SERINC5: variants seen among roughly 807,000 people sequenced by gnomAD.
The protein encoded by SERINC5 is chromosome 5 open reading frame 12.
A neutral mutation model predicts 63.1 loss-of-function variants in SERINC5; 41 were observed. The ratio of observed to expected loss-of-function variants is 0.65; its 90% CI spans 0.51 to 0.84. The LOEUF (loss-of-function observed/expected upper bound fraction) is 0.84. Among genes scored for constraint, SERINC5 ranks in the 40% least tolerant of loss-of-function variants. The pLI is 0.00. For synonymous variants in SERINC5, 222 were observed against 215.2 expected (o/e 1.03, Z -0.28); for missense variants, 523 against 573.0 (o/e 0.91, Z 0.89).
intron 1 of SERINC5, among the ~76,000 whole-genome samples, chr5:80,206,312 G>A (rs1358572395): frequency 6.6e-6 from 1 of 152,114 alleles, no homozygotes; most frequent in East Asian, 1.9e-4. Context: ...TACGATCACA[G>A]GTATATGGGT....
chr5:80,152,564 C>G (rs1580070940), intron 8 of SERINC5, among the ~76,000 whole-genome samples: 2 of 151,626 alleles, frequency 1.3e-5, no homozygotes, highest in East Asian at 3.9e-4. Flanking sequence ...ATAGTTTTCA[C>G]AGGGGAAAAG....
chr5:80,138,316 C>G (rs564319475), downstream of SERINC5, among the ~76,000 whole-genome samples: 216 of 152,110 alleles, frequency 1.4e-3, 1 homozygote, highest in African/African-American at 4.5e-3. Flanking sequence ...TGAGAGTAGG[C>G]CGGGCACGGT....
chr5:80,226,087 T>C (rs1751153135), intron 1 of SERINC5, among the ~76,000 whole-genome samples: 1 of 150,562 alleles, frequency 6.6e-6, no homozygotes, highest in African/African-American at 2.4e-5. Context: ...AGACAGTGTC[T>C]CACTCTGTCC....
intron 8 of SERINC5, among the ~76,000 whole-genome samples, chr5:80,154,064 T>A (rs565336151): frequency 6.6e-5 from 10 of 152,274 alleles, no homozygotes; most frequent in Non-Finnish European, 1.5e-4. Context: ...CCGTGACTAT[T>A]CCCAGCCTTT....
At chr5:80,132,618 C>A (rs1744993347) in intron 11 of SERINC5, among the ~76,000 whole-genome samples, 1 of 151,562 alleles carries the variant, frequency 6.6e-6, no homozygotes, top group Non-Finnish European at 1.5e-5. Flanking sequence ...TTTATTTCCA[C>A]CATGCCTGGC....
intron 1 of SERINC5, among the ~76,000 whole-genome samples, chr5:80,230,767 G>A (rs1302353222): frequency 2.7e-5 from 4 of 150,842 alleles, no homozygotes; most frequent in Non-Finnish European, 5.9e-5. Flanking sequence ...TCCAAACCCA[G>A]GTATAATTTC....
At chr5:80,232,687 G>T (rs192122189) in intron 1 of SERINC5, among the ~76,000 whole-genome samples, 1 of 151,958 alleles carries the variant, frequency 6.6e-6, no homozygotes, top group Non-Finnish European at 1.5e-5. Flanking sequence ...AGGAGGTTGA[G>T]GCAGGAGAAT....
At chr5:80,136,961 C>T (rs139637957), downstream of SERINC5, among the ~76,000 whole-genome samples, 1,070 of 151,634 alleles carry the variant, frequency 7.1e-3, 12 homozygotes, top group African/African-American at 0.025. Flanking sequence ...CATGGCGAAA[C>T]CATCTCTACC....
At chr5:80,150,490 C>T (rs1160715952) in intron 9 of SERINC5, among the ~76,000 whole-genome samples, 1 of 152,146 alleles carries the variant, frequency 6.6e-6, no homozygotes, top group Non-Finnish European at 1.5e-5. Flanking sequence ...GGCTGGAGTG[C>T]AGTGGTATGA....
rs938822169 is a variant in SERINC5, at chr5:80,255,780, C to A, written c.27+116G>T. ...GCGGGGCCAGCCCGAGCGACCCACCCGGGCCCTACGTTCGGCCGCGGAGCT... is the reference window on the plus strand; with the variant it reads ...GCGGGGCCAGCCCGAGCGACCCACCAGGGCCCTACGTTCGGCCGCGGAGCT... On this transcript the variant is annotated intron_variant, in intron 1 of 11. Transcript: ENST00000507668. The A allele has an allele frequency of 4.5e-6, 5 of 1,112,520 alleles. No homozygotes were observed. The African/African-American group carries it at 6.5e-5, about 14-fold the overall frequency. 68.9% of individuals were successfully genotyped at this position (1,112,520 alleles called of 1,614,324 possible).
At chr5:80,184,998 TC>T (rs1459615495) in intron 2 of SERINC5, among the ~76,000 whole-genome samples, 1 of 152,100 alleles carries the variant, frequency 6.6e-6, no homozygotes, top group East Asian at 1.9e-4. Context: ...TGTCTCAGCC[TC>T]CCAAGTAGCT....
intron 1 of SERINC5, among the ~76,000 whole-genome samples, chr5:80,245,885 G>A (rs1226529458): frequency 1.3e-5 from 2 of 150,574 alleles, no homozygotes; most frequent in South Asian, 4.2e-4. Context: ...AAAATGCTGG[G>A]ATTACAGGTG....
intron 11 of SERINC5, among the ~76,000 whole-genome samples, chr5:80,120,756 G>A (rs1744509998): frequency 2.0e-5 from 3 of 152,070 alleles, no homozygotes; most frequent in East Asian, 3.9e-4. Context: ...CAGAGGTTGC[G>A]TGAGCCGAGT....
At chr5:80,148,621 T>C (rs1044953036) in intron 9 of SERINC5, among the ~76,000 whole-genome samples, 3 of 151,216 alleles carry the variant, frequency 2.0e-5, no homozygotes, top group African/African-American at 7.3e-5. Flanking sequence ...TAAGCTGTGA[T>C]CCCACCACTG....
chr5:80,233,488 T>TA (rs1386659665), intron 1 of SERINC5, among the ~76,000 whole-genome samples: 17 of 133,766 alleles, frequency 1.3e-4, no homozygotes, highest in Admixed American at 3.7e-4. Context: ...AGGATAAGTT[T>TA]AAAAAAAACT....
Position 80,139,115 on chromosome 5 carries a change from T to C in SERINC5, c.*4548A>G, listed in dbSNP as rs1335654501. 8.1e-6 allele frequency: 8 copies of C among 984,896 alleles called. No individual in the cohort carries two copies. The highest frequency in any genetic ancestry group is 9.6e-6 in the Non-Finnish European group (8 of 829,534). The allele number at this position is 984,896 out of a possible 1,614,324, so 61.0% of individuals were successfully genotyped here. Reference sequence around the variant, plus strand: ...CAGTAGATTTACCACACATATTGCATTTTCAAATTCTAATGTAGCAAAACG... The same window carrying C: ...CAGTAGATTTACCACACATATTGCACTTTCAAATTCTAATGTAGCAAAACG... On this transcript the variant is annotated 3_prime_UTR_variant, in exon 12 of 12. Transcript: ENST00000507668.
chr5:80,161,036 GTATA>G (rs538888494), intron 7 of SERINC5, among the ~76,000 whole-genome samples: 2 of 124,834 alleles, frequency 1.6e-5, no homozygotes, highest in Non-Finnish European at 3.2e-5. Context: ...ATACACACGT[GTATA>G]TATATATATG....
At chr5:80,123,288 G>A (rs1744618637) in intron 11 of SERINC5, among the ~76,000 whole-genome samples, 2 of 152,120 alleles carry the variant, frequency 1.3e-5, no homozygotes, top group Admixed American at 6.6e-5. Flanking sequence ...TATTTTTTAT[G>A]TAGAGATGGG....
chr5:80,231,131 T>C (rs187400713), intron 1 of SERINC5, among the ~76,000 whole-genome samples: 8 of 152,320 alleles, frequency 5.3e-5, no homozygotes, highest in Non-Finnish European at 1.0e-4. Flanking sequence ...TATTCTTAAC[T>C]ACCTCACCAA....
Sources: gnomAD v4.1 joint callset for allele counts (sites outside exome capture counted in the v4.1 genomes callset) on GRCh38, gnomAD v4.1.1 for gene constraint, MANE v1.5 for transcripts, NCBI Gene and HGNC (gene_info 2026-07-23, HGNC 2026-07-21) for gene names.